The following TTPA variants were observed in gnomAD, a reference collection of about 807,000 sequenced individuals.
TTPA encodes alpha tocopherol transfer protein.
TTPA carries 23 observed loss-of-function variants against 25.9 expected under a neutral mutation model. The observed-to-expected ratio is 0.89, with a 90% CI of 0.64 to 1.26. The LOEUF (loss-of-function observed/expected upper bound fraction) is 1.26, where lower values mean the gene tolerates loss of function less well. Among genes scored for constraint, TTPA ranks in the 50% most tolerant of loss-of-function variants. The pLI is 0.00. For synonymous variants in TTPA, 148 were observed against 137.3 expected (o/e 1.08, Z -0.54); for missense variants, 337 against 353.1 (o/e 0.95, Z 0.37).
intron 3 of TTPA, 146 bp from the exon 4 acceptor site, chr8:63,064,462 C>T: frequency 1.6e-6 from 1 of 630,244 alleles, no homozygotes; most frequent in Non-Finnish European, 2.7e-6. Flanking sequence ...ATTCCATCAG[C>T]ACAAAAGCCT....
At chr8:63,077,804 C>G (rs1805587783) in intron 1 of TTPA, among the ~76,000 whole-genome samples, 1 of 152,200 alleles carries the variant, frequency 6.6e-6, no homozygotes, top group South Asian at 2.1e-4. Context: ...CTGAAGAGCA[C>G]AGTGGTTCTC....
rs370723510 is a variant in TTPA at position 63,073,879 on chromosome 8, G to A, written c.205-791C>T. On this transcript the variant is annotated intron_variant, in intron 1 of 4. Transcript: ENST00000260116. ...GGATCTTGTCAAAATATGGTCTGAAGAAATCCCATTTTCTTTCTTTCCAAA... is the reference window on the plus strand; with the variant it reads ...GGATCTTGTCAAAATATGGTCTGAAAAAATCCCATTTTCTTTCTTTCCAAA... Among the ~76,000 whole-genome samples, 52 of 152,246 alleles carry A rather than the reference G, an allele frequency of 3.4e-4. No individual in the cohort carries two copies. The East Asian group carries it at 9.5e-3, about 28-fold the overall frequency.
chr8:63,074,660 T>A (rs1485028642), intron 1 of TTPA, among the ~76,000 whole-genome samples: 1 of 152,220 alleles, frequency 6.6e-6, no homozygotes, highest in Non-Finnish European at 1.5e-5. Flanking sequence ...CCAGAATAAC[T>A]GTTAACAGTA....
intron 2 of TTPA, among the ~76,000 whole-genome samples, chr8:63,071,197 T>A (rs1034411525): frequency 6.6e-6 from 1 of 152,118 alleles, no homozygotes; most frequent in African/African-American, 2.4e-5. Flanking sequence ...GATTTCATGA[T>A]TAACTCAATT....
In TTPA at chr8:63,070,193, C is replaced by G. The variant is rs556585388; in HGVS notation, c.358+2742G>C. Among the ~76,000 whole-genome samples, 7 of 151,988 alleles carry G rather than the reference C, an allele frequency of 4.6e-5. No individual in the cohort carries two copies. In the East Asian group the frequency reaches 1.4e-3, roughly 29 times the overall value. On this transcript the variant is annotated intron_variant, in intron 2 of 4. Coordinates refer to ENST00000260116, the MANE Select transcript of TTPA (RefSeq NM_000370.3). ...ACTAAGCCACAGTCAAAACTTCACACTCACTGTTAAATTTTACTTTTGCTG... is the reference window on the plus strand; with the variant it reads ...ACTAAGCCACAGTCAAAACTTCACAGTCACTGTTAAATTTTACTTTTGCTG...
At chr8:63,080,610 T>C (rs1805645697) in intron 1 of TTPA, among the ~76,000 whole-genome samples, 1 of 151,114 alleles carries the variant, frequency 6.6e-6, no homozygotes, top group South Asian at 2.1e-4. Context: ...TAGTCCCAGC[T>C]ACTGGGAGGC....
At chr8:63,064,127 A>T (rs75415073) in intron 4 of TTPA, 79 bp downstream of exon 4, 3 of 1,022,506 alleles carry the variant, frequency 2.9e-6, no homozygotes, top group African/African-American at 3.2e-5. Flanking sequence ...ACGAGGAAAG[A>T]TGATAAAGCA....
rs1016706675 is a variant in TTPA at position 63,072,148 on chromosome 8, G to T, written c.358+787C>A. Among the ~76,000 whole-genome samples the T allele has an allele frequency of 3.3e-5, 5 of 152,148 alleles. No individual in the cohort carries two copies. In the South Asian group the frequency reaches 8.3e-4, roughly 25 times the overall value. On this transcript the variant is annotated intron_variant, in intron 2 of 4. Transcript: ENST00000260116. ...CACTCACTCATTCCACAAATATTTA[G>T]TGACTACCTACCAAGTACCAGACCA...
chr8:63,084,988 A>C (rs1805724810), intron 1 of TTPA, among the ~76,000 whole-genome samples: 1 of 152,226 alleles, frequency 6.6e-6, no homozygotes, highest in Non-Finnish European at 1.5e-5. Flanking sequence ...TGTGACACTG[A>C]ACAAGCCACT....
At chr8:63,081,936 A>G (rs370620631) in intron 1 of TTPA, among the ~76,000 whole-genome samples, 4 of 151,994 alleles carry the variant, frequency 2.6e-5, no homozygotes, top group South Asian at 4.2e-4. Flanking sequence ...ACTTACAAGG[A>G]ATGTGAAGGA....
At chr8:63,073,544 A>G (rs1411064770) in intron 1 of TTPA, among the ~76,000 whole-genome samples, 2 of 152,196 alleles carry the variant, frequency 1.3e-5, no homozygotes, top group Non-Finnish European at 2.9e-5. Context: ...ACTATGTGAG[A>G]TTACTGAATG....
At chr8:63,076,828 T>C (rs996976453) in intron 1 of TTPA, among the ~76,000 whole-genome samples, 1 of 152,156 alleles carries the variant, frequency 6.6e-6, no homozygotes, top group African/African-American at 2.4e-5. Flanking sequence ...ATTAGTTTAT[T>C]ACTCATGATA....
chr8:63,067,552 A>C (rs561575309), intron 2 of TTPA, among the ~76,000 whole-genome samples: 1 of 152,204 alleles, frequency 6.6e-6, no homozygotes, highest in African/African-American at 2.4e-5. Context: ...AAAAAAAAAA[A>C]AAACAACAAA....
At chr8:63,069,545 T>A (rs1442502105) in intron 2 of TTPA, among the ~76,000 whole-genome samples, 1 of 151,854 alleles carries the variant, frequency 6.6e-6, no homozygotes, top group Admixed American at 6.6e-5. Flanking sequence ...CTGGGCAACA[T>A]AGTGAGAATG....
intron 1 of TTPA, among the ~76,000 whole-genome samples, chr8:63,078,394 T>C (rs1475822309): frequency 6.6e-6 from 1 of 152,138 alleles, no homozygotes; most frequent in Non-Finnish European, 1.5e-5. Flanking sequence ...TTGTCTGAGC[T>C]AAAGGAGCAT....
chr8:63,066,765 G>A (rs1198161539), intron 2 of TTPA, among the ~76,000 whole-genome samples: 1 of 152,088 alleles, frequency 6.6e-6, no homozygotes, highest in African/African-American at 2.4e-5. Context: ...GTAATGGATG[G>A]ACAAGCAGAT....
intron 4 of TTPA, among the ~76,000 whole-genome samples, chr8:63,062,829 A>G (rs1406713511): frequency 1.3e-5 from 2 of 152,150 alleles, no homozygotes; most frequent in Non-Finnish European, 2.9e-5. Context: ...TTATTTTTAG[A>G]TCTCTAAGAA....
At chr8:63,072,459 C>T (rs1805497374) in intron 2 of TTPA, among the ~76,000 whole-genome samples, 1 of 152,180 alleles carries the variant, frequency 6.6e-6, no homozygotes, top group South Asian at 2.1e-4. Context: ...GACGGGGTTT[C>T]ACCATGTTGG....
At chr8:63,083,890 CTT>C (rs575543398) in intron 1 of TTPA, among the ~76,000 whole-genome samples, 5 of 140,752 alleles carry the variant, frequency 3.6e-5, no homozygotes, top group Admixed American at 1.4e-4. Flanking sequence ...TCTTTTTTTT[CTT>C]TTTTTTTTTT....
Sources: gnomAD v4.1 joint callset for allele counts (sites outside exome capture counted in the v4.1 genomes callset) on GRCh38, gnomAD v4.1.1 for gene constraint, MANE v1.5 for transcripts, NCBI Gene and HGNC (gene_info 2026-07-23, HGNC 2026-07-21) for gene names.